RPL23: variants seen among roughly 807,000 people sequenced by gnomAD.
RPL23 encodes large ribosomal subunit protein uL14.
For missense variants in RPL23, 79 were observed against 178.8 expected (o/e 0.44, Z 3.18); for synonymous variants, 63 against 65.3 (o/e 0.97, Z 0.17).
intron 3 of RPL23, 43 bp downstream of exon 3, chr17:38,852,561 C>CA (rs760393207): frequency 1.2e-6 from 2 of 1,608,874 alleles, no homozygotes; most frequent in Non-Finnish European, 1.7e-6. Context: ...AAAGCGTCCC[C>CA]CCACTACTCA....
At chr17:38,852,348 C>T (rs927561723) in intron 3 of RPL23, 8 of 437,632 alleles carry the variant, frequency 1.8e-5, no homozygotes, top group Non-Finnish European at 3.3e-5. Context: ...ATGGGCTGGG[C>T]GACAGAGAGA....
At position 38,850,056 on chromosome 17, in the gene RPL23, G is replaced by A. The variant is rs1912956842; in HGVS notation, c.*76C>T. On this transcript the variant is annotated 3_prime_UTR_variant, in exon 5 of 5. Transcript: ENST00000479035. ...TCGCTTGAACCCTGGAAGTGAACAG[G>A]GAGACAAGCACTGCAAACAAATACT... 1 of 1,108,082 alleles carries A rather than the reference G, an allele frequency of 9.0e-7. No individual in the cohort carries two copies. The highest frequency in any genetic ancestry group is 1.3e-6 in the Non-Finnish European group (1 of 769,164). 68.6% of individuals were successfully genotyped at this position (1,108,082 alleles called of 1,614,324 possible). A position where few individuals can be genotyped will look rare whatever the true frequency, so the allele number is the denominator to read the frequency against.
Position 38,849,502 on chromosome 17 carries a change from TA to T in RPL23, c.*629del, listed in dbSNP as rs1313463763. The T allele has an allele frequency of 5.9e-5, 9 of 152,178 alleles. No individual in the cohort carries two copies. The highest frequency in any genetic ancestry group is 1.9e-4 in the African/African-American group (8 of 41,438). 9.4% of individuals were successfully genotyped at this position (152,178 alleles called of 1,614,324 possible). A position where few individuals can be genotyped will look rare whatever the true frequency, so the allele number is the denominator to read the frequency against. On this transcript the variant is annotated 3_prime_UTR_variant, in exon 5 of 5. Coordinates refer to ENST00000479035, the MANE Select transcript of RPL23 (RefSeq NM_000978.4). ...CAGGCGGTGCGCCACCACGCCCAGC[TA>T]ATTTTTGTATTTTTAGAAAAGAGGA... is the stretch of plus-strand genomic sequence containing the variant.
In RPL23 at chr17:38,850,693, AG is replaced by A. The variant is rs546990001; in HGVS notation, c.227-219del. 713 of 452,334 alleles carry A rather than the reference AG, an allele frequency of 1.6e-3. 1 individual carries two copies. The highest frequency in any genetic ancestry group is 2.3e-3 in the Non-Finnish European group (596 of 253,878). 28.0% of individuals were successfully genotyped at this position (452,334 alleles called of 1,614,324 possible). ...ATTTTTTTTTTTTTTTCATAGAGAC[AG>A]GGTTTTGCCATGTTGGCAAGCCTGG... On this transcript the variant is annotated intron_variant, in intron 3 of 4. Transcript: ENST00000479035.
chr17:38,848,196 T>C lies in RPL23; in HGVS notation c.*1936A>G, dbSNP rs8074919. 144,465 of 945,470 alleles carry C rather than the reference T, an allele frequency of 0.15. 12,073 individuals are homozygous for C. Among genetic ancestry groups the C allele is most frequent in the Admixed American group, 0.24 (6,138 of 25,262 alleles). 58.6% of individuals were successfully genotyped at this position (945,470 alleles called of 1,614,324 possible). On this transcript the variant is annotated 3_prime_UTR_variant, in exon 5 of 5. Coordinates refer to ENST00000479035, the MANE Select transcript of RPL23 (RefSeq NM_000978.4). ...ACTAAAGCTGACTTGAAATTGACCATACTCAGGGATGTTATGGTGTAACTC... is the reference window on the plus strand; with the variant it reads ...ACTAAAGCTGACTTGAAATTGACCACACTCAGGGATGTTATGGTGTAACTC...
intron 3 of RPL23, chr17:38,852,212 T>TC (rs1452233451): frequency 5.1e-6 from 1 of 197,184 alleles, no homozygotes; most frequent in Non-Finnish European, 1.1e-5. Context: ...CAAGTGAGAC[T>TC]CCATCTCAAA....
Position 38,849,515 on chromosome 17 carries a change from T to G in RPL23, c.*617A>C, listed in dbSNP as rs1221362071. On this transcript the variant is annotated 3_prime_UTR_variant, in exon 5 of 5. Coordinates refer to ENST00000479035, the MANE Select transcript of RPL23 (RefSeq NM_000978.4). Reference sequence around the variant, plus strand: ...ACCACGCCCAGCTAATTTTTGTATTTTTAGAAAAGAGGAGGTTTCACCACG... The same window carrying G: ...ACCACGCCCAGCTAATTTTTGTATTGTTAGAAAAGAGGAGGTTTCACCACG... The G allele has an allele frequency of 6.6e-6, 1 of 152,092 alleles. No individual in the cohort carries two copies. Among genetic ancestry groups the G allele is most frequent in the Non-Finnish European group, 1.5e-5 (1 of 68,040 alleles). The allele number at this position is 152,092 out of a possible 1,614,324, so 9.4% of individuals were successfully genotyped here. A position where few individuals can be genotyped will look rare whatever the true frequency, so the allele number is the denominator to read the frequency against.
In RPL23 at chr17:38,849,839, T is replaced by G; in HGVS notation, c.*293A>C. The G allele has an allele frequency of 7.7e-6, 2 of 258,796 alleles. No homozygotes were observed. Among genetic ancestry groups the G allele is most frequent in the Non-Finnish European group, 7.2e-6 (1 of 139,060 alleles). The allele number at this position is 258,796 out of a possible 1,614,324, so 16.0% of individuals were successfully genotyped here. A position where few individuals can be genotyped will look rare whatever the true frequency, so the allele number is the denominator to read the frequency against. ...AAAAAAAAAATGCCCAGAGTTTCCA[T>G]TTCAGAAAAGTGATGGTCAGGGTAT... On this transcript the variant is annotated 3_prime_UTR_variant, in exon 5 of 5. Coordinates refer to ENST00000479035, the MANE Select transcript of RPL23 (RefSeq NM_000978.4).
At position 38,849,645 on chromosome 17, in the gene RPL23, C is replaced by A. The variant is rs917102814; in HGVS notation, c.*487G>T. 2 of 152,666 alleles carry A rather than the reference C, an allele frequency of 1.3e-5. No homozygotes were observed. Among genetic ancestry groups the A allele is most frequent in the African/African-American group, 4.8e-5 (2 of 41,422 alleles). 9.5% of individuals were successfully genotyped at this position (152,666 alleles called of 1,614,324 possible). A position where few individuals can be genotyped will look rare whatever the true frequency, so the allele number is the denominator to read the frequency against. ...GCTACCGCGCCCAGCCATTTGAATG[C>A]CTTCCTCACTCCAGGAGAAGCTACC... On this transcript the variant is annotated 3_prime_UTR_variant, in exon 5 of 5. Coordinates refer to ENST00000479035, the MANE Select transcript of RPL23 (RefSeq NM_000978.4).
rs1480168039 is a variant in RPL23, at chr17:38,848,215, G to A, written c.*1917C>T. On this transcript the variant is annotated 3_prime_UTR_variant, in exon 5 of 5. Coordinates refer to ENST00000479035, the MANE Select transcript of RPL23 (RefSeq NM_000978.4). ...TGACCATACTCAGGGATGTTATGGT[G>A]TAACTCTCTAAAACTAGAGATTTAA... 2 of 813,628 alleles carry A rather than the reference G, an allele frequency of 2.5e-6. No individual in the cohort carries two copies. The highest frequency in any genetic ancestry group is 3.4e-6 in the Non-Finnish European group (2 of 592,752). The allele number at this position is 813,628 out of a possible 1,614,324, so 50.4% of individuals were successfully genotyped here.
chr17:38,850,096 G>GT lies in RPL23; in HGVS notation c.*35dup, dbSNP rs3834563. ...AAACAAATACTTTTTAATGGGTTTA[G>GT]TTTTTTTTTTTATTTTTTACAAATA... On this transcript the variant is annotated 3_prime_UTR_variant, in exon 5 of 5. Coordinates refer to ENST00000479035, the MANE Select transcript of RPL23 (RefSeq NM_000978.4). 2.5e-3 allele frequency: 3,614 copies of GT among 1,431,298 alleles called. No homozygotes were observed. Among genetic ancestry groups the GT allele is most frequent in the East Asian group, 6.8e-3 (281 of 41,536 alleles). 88.7% of individuals were successfully genotyped at this position (1,431,298 alleles called of 1,614,324 possible). A position where few individuals can be genotyped will look rare whatever the true frequency, so the allele number is the denominator to read the frequency against.
rs146796964 is a variant in RPL23, at chr17:38,848,851, A to G, written c.*1281T>C. On this transcript the variant is annotated 3_prime_UTR_variant, in exon 5 of 5. Transcript: ENST00000479035. ...CATTTATGGCTGAGTATTTGCAGAT[A>G]CAGATACATAAACACAAACCTTAAT... The G allele has an allele frequency of 3.9e-5, 6 of 152,246 alleles. No homozygotes were observed. The highest frequency in any genetic ancestry group is 7.3e-5 in the Non-Finnish European group (5 of 68,032). 9.4% of individuals were successfully genotyped at this position (152,246 alleles called of 1,614,324 possible).
intron 1 of RPL23, 27 bp downstream of exon 1, chr17:38,853,669 TGG>T: frequency 6.2e-7 from 1 of 1,614,096 alleles, no homozygotes; most frequent in South Asian, 1.1e-5. Flanking sequence ...CGACAGATGG[TGG>T]AGGATCCTCC....
rs761725563 is a variant in RPL23 at position 38,853,705 on chromosome 17, C to G, written c.6G>C (p.Ser2=). 6.2e-7 allele frequency: 1 copy of G among 1,614,104 alleles called. No homozygotes were observed. ...CCAGAAACAAAACCTCACCTCGCTT[C>G]GACATCTTGAACGCCGGAAAAAAGA... The part of the protein sequence containing the change: M[S]KRGRGGSSGA... Residue 2 remains serine (S), a synonymous_variant, in exon 1 of 5, where the codon TCG becomes TCC. Coordinates refer to ENST00000479035, the MANE Select transcript of RPL23 (RefSeq NM_000978.4).
At chr17:38,852,169 C>CAG in intron 3 of RPL23, 1 of 168,318 alleles carries the variant, frequency 5.9e-6, no homozygotes, top group Non-Finnish European at 1.3e-5. Context: ...TTGCAGTGAA[C>CAG]AGATATGTGC....
At position 38,847,998 on chromosome 17, in the gene RPL23, T is replaced by C; in HGVS notation, c.*2134A>G. ...GCAGGAGGATTCCAAGTCCAGCAGT[T>C]CAAAGTTACAGTGAGCTTCAGTGGT... On this transcript the variant is annotated 3_prime_UTR_variant, in exon 5 of 5. Coordinates refer to ENST00000479035, the MANE Select transcript of RPL23 (RefSeq NM_000978.4). 1.1e-5 allele frequency: 17 copies of C among 1,550,242 alleles called. No homozygotes were observed. Among genetic ancestry groups the C allele is most frequent in the Non-Finnish European group, 1.5e-5 (17 of 1,146,852 alleles).
intron 1 of RPL23, chr17:38,853,486 A>G (rs1339657980): frequency 2.8e-6 from 2 of 724,262 alleles, no homozygotes; most frequent in Non-Finnish European, 5.1e-6. Flanking sequence ...CGGTATCCAG[A>G]CTACATTCAC....
At position 38,848,310 on chromosome 17, in the gene RPL23, C is replaced by T. The variant is rs1471110322; in HGVS notation, c.*1822G>A. ...CTGGAGCACAATCGTGCGACCTCAG[C>T]TCACTGCAACCTCCATCTCCGGGGT... is the stretch of plus-strand genomic sequence containing the variant. On this transcript the variant is annotated 3_prime_UTR_variant, in exon 5 of 5. Coordinates refer to ENST00000479035, the MANE Select transcript of RPL23 (RefSeq NM_000978.4). The T allele has an allele frequency of 1.5e-5, 4 of 275,770 alleles. No individual in the cohort carries two copies. The South Asian group carries it at 3.7e-4, about 26-fold the overall frequency. The allele number at this position is 275,770 out of a possible 1,614,324, so 17.1% of individuals were successfully genotyped here. A position where few individuals can be genotyped will look rare whatever the true frequency, so the allele number is the denominator to read the frequency against.
Position 38,849,915 on chromosome 17 carries a change from T to A in RPL23, c.*217A>T. On this transcript the variant is annotated 3_prime_UTR_variant, in exon 5 of 5. Transcript: ENST00000479035. ...TGGGCAGATCACTTGAGATCAGGAG[T>A]TTGAGTCGTTTGGCAAACATGGTGA... 1 of 450,732 alleles carries A rather than the reference T, an allele frequency of 2.2e-6. No individual in the cohort carries two copies. The highest frequency in any genetic ancestry group is 3.9e-6 in the Non-Finnish European group (1 of 254,798). 27.9% of individuals were successfully genotyped at this position (450,732 alleles called of 1,614,324 possible).
Sources: gnomAD v4.1 joint callset for allele counts on GRCh38, gnomAD v4.1.1 for gene constraint, MANE v1.5 for transcripts, NCBI Gene and HGNC (gene_info 2026-07-23, HGNC 2026-07-21) for gene names.